SYTL5: variants seen among roughly 807,000 people sequenced by gnomAD.
SYTL5 encodes the protein synaptotagmin-like protein 5.
In SYTL5, 34 loss-of-function variants were observed where a neutral mutation model predicts 55.9. The ratio of observed to expected loss-of-function variants is 0.61; its 90% CI spans 0.46 to 0.81. The LOEUF is 0.81. Among genes scored for constraint, SYTL5 ranks in the 30% least tolerant of loss-of-function variants. The probability of loss-of-function intolerance (pLI) is 0.00; values close to 1 mark genes in which losing one functional copy is unlikely to be tolerated. For missense variants in SYTL5, 637 were observed against 546.7 expected (o/e 1.17, Z -1.65); for synonymous variants, 221 against 188.7 (o/e 1.17, Z -1.40).
At chrX:37,890,621 C>T in the SYTL5 span, among the ~76,000 whole-genome samples, 1 of 111,934 alleles carries the variant, frequency 8.9e-6, no homozygotes, top group African/African-American at 3.3e-5. Flanking sequence ...GTATGTTGGC[C>T]TTGCCACTGT....
At chrX:37,941,817 G>A in the SYTL5 span, among the ~76,000 whole-genome samples, 6 of 112,012 alleles carry the variant, frequency 5.4e-5, no homozygotes, top group East Asian at 1.4e-3. Flanking sequence ...ATTTGATCAC[G>A]TGTTCTTTTC....
Position 38,034,023 on chromosome X carries a change from AT to A in SYTL5, c.119+21del. On this transcript the variant is annotated intron_variant, in intron 2 of 16. Coordinates refer to ENST00000297875, the MANE Select transcript of SYTL5 (RefSeq NM_138780.3). ...AAGAGAATAAGGTAGTATTCTTTTT[AT>A]TTTTTCAGTCCTCCTTGACTGCTTT... 1 of 1,002,039 alleles carries A rather than the reference AT, an allele frequency of 1.0e-6. No homozygotes were observed. Among genetic ancestry groups the A allele is most frequent in the Non-Finnish European group, 1.4e-6 (1 of 725,099 alleles). 82.6% of individuals were successfully genotyped at this position (1,002,039 alleles called of 1,213,427 possible). A position where few individuals can be genotyped will look rare whatever the true frequency, so the allele number is the denominator to read the frequency against.
Position 38,076,673 on chromosome X carries a change from A to G in SYTL5, c.661A>G (p.Ser221Gly). Residue 221 changes from serine (S) to glycine (G), a missense_variant, in exon 6 of 17, where the codon AGT (serine) becomes GGT (glycine). By Grantham distance (56) the Ser-to-Gly change is moderately conservative. Coordinates refer to ENST00000297875, the MANE Select transcript of SYTL5 (RefSeq NM_138780.3). ...GGACTTAGACGGTCAACATTTTCGG[A>G]GTTTAAAATCACCTCCTGGTTCAGA... ...SLDLDGQHFR[S>G]LKSPPGSDRG... is the part of the protein sequence containing the mutation. 1 of 1,210,893 alleles carries G rather than the reference A, an allele frequency of 8.3e-7. No homozygotes were observed. Among genetic ancestry groups the G allele is most frequent in the Non-Finnish European group, 1.1e-6 (1 of 895,057 alleles).
chrX:37,928,913 A>G, the SYTL5 span, among the ~76,000 whole-genome samples: 2 of 112,233 alleles, frequency 1.8e-5, no homozygotes, highest in African/African-American at 6.5e-5. Flanking sequence ...AATTATTATC[A>G]GTCTGCCTAA....
Position 38,102,952 on chromosome X carries a change from C to T in SYTL5, c.1155+518C>T, listed in dbSNP as rs765453291. 24 of 792,340 alleles carry T rather than the reference C, an allele frequency of 3.0e-5. No individual in the cohort carries two copies. The African/African-American group carries it at 4.6e-4, about 15-fold the overall frequency. 65.3% of individuals were successfully genotyped at this position (792,340 alleles called of 1,213,427 possible). On this transcript the variant is annotated intron_variant, in intron 10 of 16. Coordinates refer to ENST00000297875, the MANE Select transcript of SYTL5 (RefSeq NM_138780.3). ...TCCTTGTATCTAACTGTGTGTAAGT[C>T]TTTTTCTTGGCTTCTCTGATTTCTG...
intron 3 of SYTL5, among the ~76,000 whole-genome samples, chrX:38,071,583 A>G (rs927605885): frequency 8.9e-6 from 1 of 111,817 alleles, no homozygotes; most frequent in African/African-American, 3.3e-5. Context: ...AAGTCTGATC[A>G]CAGAGTCTGA....
chrX:38,077,772 T>G (rs1936427695), intron 6 of SYTL5, among the ~76,000 whole-genome samples: 1 of 112,538 alleles, frequency 8.9e-6, no homozygotes, highest in Non-Finnish European at 1.9e-5. Context: ...TTCCCTTTTA[T>G]GATTACAAAC....
At chrX:37,946,918 T>C in the SYTL5 span, 1 of 112,002 alleles carries the variant, frequency 8.9e-6, no homozygotes, top group African/African-American at 3.2e-5. Context: ...ATTATCTTCC[T>C]AGTGGAGACT....
At chrX:37,923,418 C>T in the SYTL5 span, among the ~76,000 whole-genome samples, 1 of 111,012 alleles carries the variant, frequency 9.0e-6, no homozygotes, top group South Asian at 3.7e-4. Context: ...ATTTATTACT[C>T]TGAAGAGTAA....
intron 2 of SYTL5, among the ~76,000 whole-genome samples, chrX:38,039,938 G>A (rs1935231340): frequency 9.0e-6 from 1 of 111,602 alleles, no homozygotes; most frequent in Non-Finnish European, 1.9e-5. Context: ...CACTTTGGGA[G>A]ACCAAGGCGG....
chrX:38,072,079 T>C lies in SYTL5; in HGVS notation c.362T>C (p.Phe121Ser). The stretch of plus-strand genomic sequence containing the variant: ...AGGATTATAACTGGTGAGTGGTTTT[T>C]TGAAGAAAAGGCAAAACGTTTCAAG... The part of the protein sequence containing the change: ...QLRIITGEWF[F>S]EEKAKRFKQV... Residue 121 changes from phenylalanine to serine, a missense_variant, in exon 4 of 17, where the codon TTT becomes TCT. Coordinates refer to ENST00000297875, the MANE Select transcript of SYTL5 (RefSeq NM_138780.3). 1 of 1,210,575 alleles carries C rather than the reference T, an allele frequency of 8.3e-7. No homozygotes were observed. The highest frequency in any genetic ancestry group is 1.1e-6 in the Non-Finnish European group (1 of 894,575).
the SYTL5 span, among the ~76,000 whole-genome samples, chrX:37,988,034 T>C: frequency 3.6e-5 from 4 of 112,038 alleles, no homozygotes; most frequent in Non-Finnish European, 7.5e-5. Flanking sequence ...CACTTATGAA[T>C]GTTGCCTTAT....
At chrX:38,122,723 G>A (rs1288089521) in intron 15 of SYTL5, among the ~76,000 whole-genome samples, 2 of 112,027 alleles carry the variant, frequency 1.8e-5, no homozygotes, top group East Asian at 5.6e-4. Flanking sequence ...CCCAAGTTGT[G>A]GAGCAAAGGG....
At chrX:38,089,275 G>A (rs1936737000) in intron 6 of SYTL5, among the ~76,000 whole-genome samples, 171 bp from the exon 7 acceptor site, 1 of 112,144 alleles carries the variant, frequency 8.9e-6, no homozygotes, top group African/African-American at 3.2e-5. Context: ...TCCCCTCAGG[G>A]CCTTTGAGGA....
At chrX:37,892,858 A>C in the SYTL5 span, among the ~76,000 whole-genome samples, 1 of 87,332 alleles carries the variant, frequency 1.1e-5, no homozygotes, top group South Asian at 5.5e-4. Context: ...AACATACCAC[A>C]CTCTATACTA....
chrX:38,078,220 A>G (rs1489665408), intron 6 of SYTL5, among the ~76,000 whole-genome samples: 1 of 110,013 alleles, frequency 9.1e-6, no homozygotes, highest in African/African-American at 3.3e-5. Flanking sequence ...AAGAAAGGCA[A>G]TATATACAAA....
intron 11 of SYTL5, 22 bp from the exon 12 acceptor site, chrX:38,108,578 A>G (rs1937272713): frequency 1.9e-6 from 2 of 1,080,039 alleles, no homozygotes; most frequent in Non-Finnish European, 1.3e-6. Flanking sequence ...CAATAATTAC[A>G]TTTATATTTT....
chrX:38,029,204 A>T, intron 1 of SYTL5, among the ~76,000 whole-genome samples: 1 of 112,290 alleles, frequency 8.9e-6, no homozygotes, highest in East Asian at 2.8e-4. Context: ...GTTCACACAC[A>T]GAATTTCTTT....
chrX:37,979,067 CAA>C, the SYTL5 span, among the ~76,000 whole-genome samples: 1 of 110,938 alleles, frequency 9.0e-6, no homozygotes, highest in African/African-American at 3.3e-5. Context: ...GTTTTGTAAC[CAA>C]AGAGTGTGTG....
Sources: allele counts gnomAD v4.1 joint callset (sites outside exome capture counted in the v4.1 genomes callset), GRCh38; gene constraint gnomAD v4.1.1; transcripts MANE v1.5; gene names NCBI Gene and HGNC (gene_info 2026-07-23, HGNC 2026-07-21).